Variants in STX8 observed in about 807,000 individuals in gnomAD.
STX8 encodes syntaxin 8, also known as syntaxin-8.
STX8 carries 23 observed loss-of-function variants against 37.5 expected under a neutral mutation model. That is an observed-to-expected ratio of 0.61 (90% CI 0.44 to 0.87). The LOEUF is 0.87. Ranked by LOEUF, STX8 falls within the 40% of genes least tolerant of loss-of-function variation. STX8 has a pLI of 0.00. For missense variants in STX8, 313 were observed against 284.7 expected (o/e 1.10, Z -0.71); for synonymous variants, 115 against 99.1 (o/e 1.16, Z -0.95).
At chr17:9,343,288 G>A (rs1910434664) in intron 7 of STX8, among the ~76,000 whole-genome samples, 1 of 152,104 alleles carries the variant, frequency 6.6e-6, no homozygotes, top group Admixed American at 6.6e-5. Flanking sequence ...GATGGATGGG[G>A]CTCAGTTTAC....
intron 7 of STX8, among the ~76,000 whole-genome samples, chr17:9,377,417 C>T (rs1911636721): frequency 1.3e-5 from 2 of 152,034 alleles, no homozygotes; most frequent in Non-Finnish European, 1.5e-5. Context: ...TCTCCTGTCT[C>T]AGCCTCCCAA....
At chr17:9,567,018 A>G (rs1229365739) in intron 2 of STX8, among the ~76,000 whole-genome samples, 8 of 152,248 alleles carry the variant, frequency 5.3e-5, no homozygotes, top group African/African-American at 1.4e-4. Flanking sequence ...AAACTAATGC[A>G]GGAACAGAAA....
chr17:9,454,538 G>A (rs1020218711), intron 6 of STX8, among the ~76,000 whole-genome samples: 2 of 152,028 alleles, frequency 1.3e-5, no homozygotes, highest in African/African-American at 2.4e-5. Flanking sequence ...AAATTAGCCA[G>A]GCCTGGTGGC....
chr17:9,265,938 T>C (rs980306920), intron 7 of STX8, among the ~76,000 whole-genome samples: 2 of 152,122 alleles, frequency 1.3e-5, no homozygotes, highest in African/African-American at 4.8e-5. Flanking sequence ...TTGCTTATCA[T>C]ACGGGGTGGC....
chr17:9,535,654 A>C lies in STX8; in HGVS notation c.323+9518T>G, dbSNP rs193095026. On this transcript the variant is annotated intron_variant, in intron 4 of 7. Transcript: ENST00000306357. ...TCACCGTGTTAGCCAGGATGGTCTC[A>C]ATCTCCTGACCTCATGATCTGCCCG... Among the ~76,000 whole-genome samples the C allele has an allele frequency of 1.9e-4, 29 of 151,610 alleles. No homozygotes were observed. The South Asian group carries it at 4.0e-3, about 21-fold the overall frequency.
chr17:9,492,891 C>T (rs1364019995), intron 5 of STX8, among the ~76,000 whole-genome samples: 1 of 151,962 alleles, frequency 6.6e-6, no homozygotes, highest in Admixed American at 6.6e-5. Context: ...GTCAGGAGAT[C>T]GAGACCATCC....
intron 4 of STX8, 51 bp downstream of exon 4, chr17:9,545,121 G>T: frequency 8.1e-7 from 1 of 1,240,596 alleles, no homozygotes; most frequent in Non-Finnish European, 1.2e-6. Context: ...TGTAGTATCT[G>T]CAAAGAAGTC....
chr17:9,265,962 C>T (rs1260484802), intron 7 of STX8, among the ~76,000 whole-genome samples: 2 of 152,130 alleles, frequency 1.3e-5, no homozygotes, highest in East Asian at 3.9e-4. Flanking sequence ...AAGGCACACA[C>T]CCCCTTTCCC....
chr17:9,528,103 T>C (rs937629740), intron 4 of STX8, among the ~76,000 whole-genome samples: 2 of 152,208 alleles, frequency 1.3e-5, no homozygotes, highest in Admixed American at 6.5e-5. Context: ...GGAAAATGTA[T>C]AGTACAGTTC....
intron 6 of STX8, among the ~76,000 whole-genome samples, chr17:9,484,766 G>A (rs1906511613): frequency 6.6e-6 from 1 of 152,136 alleles, no homozygotes; most frequent in African/African-American, 2.4e-5. Context: ...GGTGGAGGTT[G>A]CCATGAGGCG....
intron 7 of STX8, among the ~76,000 whole-genome samples, chr17:9,321,713 T>G (rs1391340405): frequency 1.3e-5 from 2 of 151,742 alleles, no homozygotes; most frequent in Non-Finnish European, 2.9e-5. Context: ...AGAGACGGGG[T>G]TTCACCATGT....
chr17:9,456,031 C>G (rs79896031), intron 6 of STX8, among the ~76,000 whole-genome samples: 3 of 152,102 alleles, frequency 2.0e-5, no homozygotes, highest in African/African-American at 4.8e-5. Context: ...CCTAACCTGA[C>G]GATCCAACTG....
At chr17:9,529,255 GAGAGAGA>G (rs1905709923) in intron 4 of STX8, among the ~76,000 whole-genome samples, 1 of 90,350 alleles carries the variant, frequency 1.1e-5, no homozygotes, top group Non-Finnish European at 2.6e-5. Flanking sequence ...CTTAGAGAGA[GAGAGAGA>G]GAGAGAGAGA....
chr17:9,527,224 G>A, intron 4 of STX8, among the ~76,000 whole-genome samples: 1 of 145,210 alleles, frequency 6.9e-6, no homozygotes. Flanking sequence ...CAGGAGGATT[G>A]CTTGAGCCCA....
intron 6 of STX8, among the ~76,000 whole-genome samples, chr17:9,460,072 A>G (rs1008400150): frequency 1.3e-5 from 2 of 152,206 alleles, no homozygotes; most frequent in Non-Finnish European, 2.9e-5. Flanking sequence ...ATGGCTTCAT[A>G]AAGGGCACAA....
chr17:9,373,978 G>A (rs201421687), intron 7 of STX8, among the ~76,000 whole-genome samples: 2 of 149,658 alleles, frequency 1.3e-5, no homozygotes, highest in African/African-American at 4.9e-5. Flanking sequence ...CCTCGGCCAC[G>A]AAGTGAGACT....
intron 7 of STX8, among the ~76,000 whole-genome samples, chr17:9,312,942 G>T (rs1030902956): frequency 6.6e-6 from 1 of 152,126 alleles, no homozygotes; most frequent in Non-Finnish European, 1.5e-5. Context: ...TGTAATCCCA[G>T]CACTTTGGGA....
In STX8 at chr17:9,334,660, G is replaced by C. The variant is rs184496662; in HGVS notation, c.643+43892C>G. The stretch of plus-strand genomic sequence containing the variant: ...CAATACATGTTTGCTTAGTTTTGTT[G>C]CTGCTATAACAGAATATCACAGACT... On this transcript the variant is annotated intron_variant, in intron 7 of 7. Coordinates refer to ENST00000306357, the MANE Select transcript of STX8 (RefSeq NM_004853.3). Among the ~76,000 whole-genome samples, 247 of 152,276 alleles carry C rather than the reference G, an allele frequency of 1.6e-3. 2 individuals carry two copies. The highest frequency in any genetic ancestry group is 2.7e-3 in the Non-Finnish European group (185 of 68,020).
At chr17:9,424,066 A>G (rs1267557722) in intron 6 of STX8, among the ~76,000 whole-genome samples, 1 of 152,082 alleles carries the variant, frequency 6.6e-6, no homozygotes, top group Non-Finnish European at 1.5e-5. Context: ...TGACCTCATA[A>G]AACTGCCACC....
Sources: allele counts gnomAD v4.1 joint callset (sites outside exome capture counted in the v4.1 genomes callset), GRCh38; gene constraint gnomAD v4.1.1; transcripts MANE v1.5; gene names NCBI Gene and HGNC (gene_info 2026-07-23, HGNC 2026-07-21).